Variants in BCL7C observed in about 807,000 individuals in gnomAD.
The protein encoded by BCL7C is B-cell CLL/lymphoma 7 protein family member C.
In BCL7C, 8 loss-of-function variants were observed where a neutral mutation model predicts 26.2. The ratio of observed to expected loss-of-function variants is 0.30; its 90% confidence interval spans 0.18 to 0.55. BCL7C has a LOEUF of 0.55. BCL7C is among the 20% of genes least tolerant of loss of function. The pLI, the probability that BCL7C is intolerant of heterozygous loss-of-function variation, is 0.93. For missense variants in BCL7C, 262 were observed against 298.5 expected, an observed-to-expected ratio of 0.88 and a Z score of 0.90; for synonymous variants, 90 against 116.5, an observed-to-expected ratio of 0.77 and a Z score of 1.47.
At chr16:30,885,497 G>A (rs897379765), downstream of BCL7C, among the ~76,000 whole-genome samples, 1 of 150,670 alleles carries the variant, frequency 6.6e-6, no homozygotes, top group African/African-American at 2.4e-5. Flanking sequence ...GCAACCTCCC[G>A]GATTCAAGCA....
intron 5 of BCL7C, among the ~76,000 whole-genome samples, chr16:30,842,516 T>C (rs576391939): frequency 6.6e-6 from 1 of 152,296 alleles, no homozygotes; most frequent in East Asian, 1.9e-4. Flanking sequence ...ACAGCCCATC[T>C]AAGGGACTCA....
At position 30,893,189 on chromosome 16, in the gene BCL7C, T is replaced by C. The variant is rs910280858; in HGVS notation, c.171+23A>G. 1 of 1,608,708 alleles carries C rather than the reference T, an allele frequency of 6.2e-7. No homozygotes were observed. The highest frequency in any genetic ancestry group is 8.5e-7 in the Non-Finnish European group (1 of 1,176,672). ...CCTGAGGTTGCACAGATGCAGGGCC[T>C]TGTGGGAATGGGGGTTGCTCACCTC... On this transcript the variant is annotated intron_variant, in intron 2 of 5. Coordinates refer to ENST00000215115, the MANE Select transcript of BCL7C (RefSeq NM_004765.4). The surrounding 1 kb of genome is among the most constrained non-coding windows in gnomAD (Gnocchi z 5.2).
chr16:30,851,801 C>G, intron 5 of BCL7C: 1 of 333,152 alleles, frequency 3.0e-6, no homozygotes, highest in Non-Finnish European at 5.7e-6. Context: ...AGCTGCTTCT[C>G]AGTACAGCCA....
downstream of BCL7C, among the ~76,000 whole-genome samples, chr16:30,884,187 A>T (rs1188991479): frequency 1.3e-5 from 2 of 150,320 alleles, no homozygotes; most frequent in African/African-American, 4.9e-5. Flanking sequence ...GCCTGGGGGG[A>T]ATCAGGACAG....
downstream of BCL7C, among the ~76,000 whole-genome samples, chr16:30,884,356 G>C (rs953056187): frequency 6.6e-6 from 1 of 151,998 alleles, no homozygotes; most frequent in African/African-American, 2.4e-5. Context: ...GTAACATGGG[G>C]CAATAGGACA....
rs773222685 is a variant in BCL7C, at chr16:30,887,861, C to A, written c.*4G>T. On this transcript the variant is annotated 3_prime_UTR_variant, in exon 6 of 6. Coordinates refer to ENST00000215115, the MANE Select transcript of BCL7C (RefSeq NM_004765.4). ...TGGGGCAACAGGACAGGCAGGCCGGCTTCTCAGGGGTCAGGGGCATTTGGG... is the reference window on the plus strand; with the variant it reads ...TGGGGCAACAGGACAGGCAGGCCGGATTCTCAGGGGTCAGGGGCATTTGGG... The A allele has an allele frequency of 1.3e-6, 2 of 1,568,126 alleles. No homozygotes were observed. The highest frequency in any genetic ancestry group is 2.4e-5 in the South Asian group (2 of 84,182).
intron 5 of BCL7C, among the ~76,000 whole-genome samples, chr16:30,852,531 G>A (rs1266528545): frequency 2.8e-5 from 4 of 144,526 alleles, no homozygotes; most frequent in Admixed American, 1.4e-4. Flanking sequence ...CTGCTTTGGC[G>A]CCCAGGTTGG....
At position 30,867,558 on chromosome 16, in the gene BCL7C, C is replaced by T. The variant is rs529376585; in HGVS notation, c.528+21302G>A. On this transcript the variant is annotated intron_variant, in intron 5 of 5. Transcript: ENST00000380317. ...CGGCCATCCCAGCACTTTGGAAGGC[C>T]GAGGCAGGCAGATCACCTGAGGTCA... is the stretch of plus-strand genomic sequence containing the variant. Among the ~76,000 whole-genome samples, 81 of 152,066 alleles carry T rather than the reference C, an allele frequency of 5.3e-4. 1 individual carries two copies. The Middle Eastern group carries it at 0.017, about 32-fold the overall frequency.
chr16:30,845,405 C>T (rs990293824), intron 5 of BCL7C, among the ~76,000 whole-genome samples: 1 of 152,238 alleles, frequency 6.6e-6, no homozygotes, highest in Non-Finnish European at 1.5e-5. Flanking sequence ...CTCTAATAGC[C>T]TGACTCTCTA....
chr16:30,854,375 T>C (rs2054701417), intron 5 of BCL7C, among the ~76,000 whole-genome samples: 1 of 152,218 alleles, frequency 6.6e-6, no homozygotes, highest in South Asian at 2.1e-4. Context: ...TTATTGCTCC[T>C]GTAGTACACT....
At chr16:30,847,622 C>T (rs925385943) in intron 5 of BCL7C, among the ~76,000 whole-genome samples, 9 of 151,894 alleles carry the variant, frequency 5.9e-5, no homozygotes, top group Admixed American at 2.0e-4. Flanking sequence ...ATGGTGAAAC[C>T]CTGTTGCTAC....
downstream of BCL7C, among the ~76,000 whole-genome samples, chr16:30,884,421 AT>A (rs2055095138): frequency 6.6e-6 from 1 of 150,470 alleles, no homozygotes; most frequent in African/African-American, 2.5e-5. Context: ...CTGTCTCTCC[AT>A]GTGTGGCCTA....
chr16:30,852,846 T>C (rs1412739136), intron 5 of BCL7C, among the ~76,000 whole-genome samples: 1 of 151,580 alleles, frequency 6.6e-6, no homozygotes, highest in Admixed American at 6.6e-5. Flanking sequence ...TTAATAAATG[T>C]TATTACACTT....
intron 4 of BCL7C, among the ~76,000 whole-genome samples, chr16:30,892,158 T>C (rs1206847216): frequency 6.7e-6 from 1 of 149,646 alleles, no homozygotes; most frequent in African/African-American, 2.5e-5. Context: ...TCCCAGCTAC[T>C]TGGGAGGCTG....
chr16:30,839,382 C>T (rs1465503571), intron 5 of BCL7C, among the ~76,000 whole-genome samples: 1 of 152,172 alleles, frequency 6.6e-6, no homozygotes. Flanking sequence ...AATAGATGCT[C>T]CCCTCAAGAT....
At chr16:30,863,445 G>C (rs1159990396) in intron 5 of BCL7C, among the ~76,000 whole-genome samples, 4 of 152,098 alleles carry the variant, frequency 2.6e-5, no homozygotes, top group Non-Finnish European at 4.4e-5. Flanking sequence ...CTACACAAGG[G>C]TCCTCCATCA....
chr16:30,881,610 G>GTGTGAAGGATAATTTAA (rs1374479286), intron 5 of BCL7C, among the ~76,000 whole-genome samples: 1 of 152,080 alleles, frequency 6.6e-6, no homozygotes, highest in African/African-American at 2.4e-5. Flanking sequence ...CATTCTCCCA[G>GTGTGAAGGATAATTTAA]TGTGAAGGAT....
At chr16:30,853,204 C>A (rs190877579) in intron 5 of BCL7C, among the ~76,000 whole-genome samples, 19 of 152,292 alleles carry the variant, frequency 1.2e-4, no homozygotes, top group African/African-American at 4.6e-4. Context: ...TCCCAAAGTG[C>A]TGGGATTACA....
At chr16:30,856,216 C>T (rs973576122) in intron 5 of BCL7C, among the ~76,000 whole-genome samples, 23 of 151,264 alleles carry the variant, frequency 1.5e-4, no homozygotes, top group Admixed American at 1.1e-3. Context: ...CTGAGGCGGG[C>T]GGATCACGAG....
Sources: allele counts gnomAD v4.1 joint callset (sites outside exome capture counted in the v4.1 genomes callset), GRCh38; gene constraint gnomAD v4.1.1; non-coding constraint Gnocchi (gnomAD v3.1); transcripts MANE v1.5; gene names NCBI Gene and HGNC (gene_info 2026-07-23, HGNC 2026-07-21).